The following KIAA1958 variants were observed in gnomAD, a reference collection of about 807,000 sequenced individuals.
KIAA1958 encodes uncharacterized protein KIAA1958.
Under a neutral mutation model 47.2 loss-of-function variants are expected in KIAA1958, and 14 were observed. The ratio of observed to expected loss-of-function variants is 0.30; its 90% CI spans 0.20 to 0.46. KIAA1958 has a LOEUF of 0.46. KIAA1958 is among the 20% of genes least tolerant of loss of function. The pLI, the probability that KIAA1958 is intolerant of heterozygous loss-of-function variation, is 1.00. For synonymous variants in KIAA1958, 354 were observed against 353.3 expected (o/e 1.00, Z -0.02); for missense variants, 803 against 909.2 (o/e 0.88, Z 1.50).
intron 2 of KIAA1958, among the ~76,000 whole-genome samples, chr9:112,577,175 T>C (rs1835660200): frequency 6.6e-6 from 1 of 152,194 alleles, no homozygotes; most frequent in Non-Finnish European, 1.5e-5. Context: ...CTCAAATCTT[T>C]TGGCCATTTT....
At chr9:112,571,827 TA>T (rs1478448899) in intron 1 of KIAA1958, among the ~76,000 whole-genome samples, 1 of 132,086 alleles carries the variant, frequency 7.6e-6, no homozygotes, top group African/African-American at 2.8e-5. Flanking sequence ...AAAATAAAAA[TA>T]AAAATAAAAA....
Position 112,659,885 on chromosome 9 carries a change from C to T in KIAA1958, c.1967C>T (p.Ala656Val), listed in dbSNP as rs888292551. 3.7e-6 allele frequency: 6 copies of T among 1,614,014 alleles called. No individual in the cohort carries two copies. Among genetic ancestry groups the T allele is most frequent in the Non-Finnish European group, 5.1e-6 (6 of 1,180,006 alleles). Reference sequence around the variant, plus strand: ...GCCAAGTCCCCCTTCTACCTGACTGCCAGGAAGGAGGCCACAGACATGGGC... The same window carrying T: ...GCCAAGTCCCCCTTCTACCTGACTGTCAGGAAGGAGGCCACAGACATGGGC... The part of the protein sequence containing the change: ...MEAKSPFYLT[A>V]RKEATDMGSV... The change falls in exon 4 of 4, where the codon GCC (alanine) becomes GTC (valine). Residue 656 changes from alanine (A) to valine (V), a missense_variant. Coordinates refer to ENST00000337530, the MANE Select transcript of KIAA1958 (RefSeq NM_133465.4).
rs532300267 is a variant in KIAA1958, at chr9:112,540,056, G to A, written c.-24-34001G>A. On this transcript the variant is annotated intron_variant, in intron 1 of 3. Transcript: ENST00000337530. ...GAAGTTGTTATTGAAAACAAATTAC[G>A]ATTATGTTAATTGACTTTAAAGGAG... Among the ~76,000 whole-genome samples, 15 of 152,238 alleles carry A rather than the reference G, an allele frequency of 9.9e-5. No individual in the cohort carries two copies. In the East Asian group the frequency reaches 1.4e-3, roughly 14 times the overall value.
chr9:112,517,890 C>A (rs895642516), intron 1 of KIAA1958, among the ~76,000 whole-genome samples: 1 of 152,196 alleles, frequency 6.6e-6, no homozygotes, highest in African/African-American at 2.4e-5. Context: ...ATTAGAATGG[C>A]TAGAATTAAA....
At chr9:112,510,312 C>G (rs547537253) in intron 1 of KIAA1958, among the ~76,000 whole-genome samples, 4 of 152,274 alleles carry the variant, frequency 2.6e-5, no homozygotes, top group African/African-American at 9.6e-5. Flanking sequence ...ACTGCTTCCC[C>G]ACAGCACCCT....
At chr9:112,495,202 T>C (rs534409926) in intron 1 of KIAA1958, among the ~76,000 whole-genome samples, 1 of 152,326 alleles carries the variant, frequency 6.6e-6, no homozygotes, top group Non-Finnish European at 1.5e-5. Flanking sequence ...CATGAGGCAC[T>C]GTGCCTGGCT....
In KIAA1958 at chr9:112,660,177, C is replaced by T. The variant is rs374375904; in HGVS notation, c.*108C>T. The T allele has an allele frequency of 6.7e-4, 616 of 914,408 alleles. 2 individuals are homozygous for T. In the East Asian group the frequency reaches 0.013, roughly 19 times the overall value. 56.6% of individuals were successfully genotyped at this position (914,408 alleles called of 1,614,324 possible). A position where few individuals can be genotyped will look rare whatever the true frequency, so the allele number is the denominator to read the frequency against. ...GGCTGACCAGGTGTGACCTCCCGGT[C>T]TGGCGGCTCTCCCCTGGTGTGGCCT... On this transcript the variant is annotated 3_prime_UTR_variant, in exon 4 of 4. Coordinates refer to ENST00000337530, the MANE Select transcript of KIAA1958 (RefSeq NM_133465.4).
At chr9:112,502,641 A>C (rs747181021) in intron 1 of KIAA1958, among the ~76,000 whole-genome samples, 10 of 152,238 alleles carry the variant, frequency 6.6e-5, no homozygotes, top group Non-Finnish European at 1.5e-4. Flanking sequence ...AATTGAAAAG[A>C]TAGAGATACA....
At chr9:112,586,326 T>C (rs1471625080) in intron 2 of KIAA1958, among the ~76,000 whole-genome samples, 1 of 152,186 alleles carries the variant, frequency 6.6e-6, no homozygotes, top group African/African-American at 2.4e-5. Flanking sequence ...CAGCTAAAAA[T>C]AACAAGCCTA....
chr9:112,572,189 T>C (rs1310174650), intron 1 of KIAA1958, among the ~76,000 whole-genome samples: 2 of 152,122 alleles, frequency 1.3e-5, no homozygotes, highest in Admixed American at 1.3e-4. Flanking sequence ...TGGGTTACAC[T>C]ATCCGGGAGA....
At chr9:112,549,818 T>C (rs1315474391) in intron 1 of KIAA1958, among the ~76,000 whole-genome samples, 1 of 152,198 alleles carries the variant, frequency 6.6e-6, no homozygotes, top group Non-Finnish European at 1.5e-5. Context: ...TGTATGCTAC[T>C]GGCATCTAGT....
chr9:112,497,038 T>A (rs976412760), intron 1 of KIAA1958, among the ~76,000 whole-genome samples: 3 of 152,254 alleles, frequency 2.0e-5, no homozygotes, highest in Non-Finnish European at 4.4e-5. Context: ...TCTGGGTGTT[T>A]TTATTTTTCC....
At chr9:112,550,413 C>T (rs915286619) in intron 1 of KIAA1958, among the ~76,000 whole-genome samples, 1 of 152,038 alleles carries the variant, frequency 6.6e-6, no homozygotes, top group Admixed American at 6.6e-5. Context: ...TTAAAGTGAA[C>T]CCACTTGAAG....
chr9:112,569,292 A>T (rs1279704861), intron 1 of KIAA1958, among the ~76,000 whole-genome samples: 4 of 152,200 alleles, frequency 2.6e-5, no homozygotes, highest in Non-Finnish European at 4.4e-5. Context: ...TCATACAGAG[A>T]CCACAAATTT....
chr9:112,571,888 CTA>C (rs1324117231), intron 1 of KIAA1958, among the ~76,000 whole-genome samples: 2 of 126,390 alleles, frequency 1.6e-5, no homozygotes, highest in African/African-American at 3.0e-5. Context: ...ACAAACCAAT[CTA>C]TGTCTTTTTT....
chr9:112,565,290 A>G (rs1485363959), intron 1 of KIAA1958, among the ~76,000 whole-genome samples: 2 of 152,218 alleles, frequency 1.3e-5, no homozygotes, highest in Non-Finnish European at 2.9e-5. Context: ...TTTTTGTAGA[A>G]ACGGGGTGTT....
intron 2 of KIAA1958, among the ~76,000 whole-genome samples, chr9:112,576,418 G>T (rs903498473): frequency 6.6e-6 from 1 of 152,082 alleles, no homozygotes; most frequent in African/African-American, 2.4e-5. Flanking sequence ...GGGTTTTGGT[G>T]TATTCATAGA....
chr9:112,549,679 C>G (rs1175669802), intron 1 of KIAA1958, among the ~76,000 whole-genome samples: 2 of 152,164 alleles, frequency 1.3e-5, no homozygotes, highest in African/African-American at 4.8e-5. Flanking sequence ...ATGGACCAAG[C>G]CTTCGGTGGG....
intron 3 of KIAA1958, among the ~76,000 whole-genome samples, chr9:112,658,977 G>A (rs574613842): frequency 5.4e-4 from 68 of 126,034 alleles, no homozygotes; most frequent in African/African-American, 1.9e-3. Flanking sequence ...CCGAGATCAC[G>A]CCACTGCACT....
Sources: gnomAD v4.1 joint callset for allele counts (sites outside exome capture counted in the v4.1 genomes callset) on GRCh38, gnomAD v4.1.1 for gene constraint, MANE v1.5 for transcripts, NCBI Gene and HGNC (gene_info 2026-07-23, HGNC 2026-07-21) for gene names.